Variants in SNX31 observed in about 807,000 individuals in gnomAD.
The protein encoded by SNX31 is sorting nexin 31, also known as sorting nexin-31.
Under a neutral mutation model 65.4 loss-of-function variants are expected in SNX31, and 58 were observed. That is an observed-to-expected ratio of 0.89 (90% CI 0.72 to 1.10). SNX31 has a LOEUF of 1.10. Ranked by LOEUF, SNX31 falls within the 50% of genes least tolerant of loss-of-function variation. The pLI is 0.00. For missense variants in SNX31, 523 were observed against 529.7 expected (o/e 0.99, Z 0.12); for synonymous variants, 181 against 190.1 (o/e 0.95, Z 0.39).
chr8:100,590,232 G>T (rs1814443080), intron 10 of SNX31, among the ~76,000 whole-genome samples: 1 of 152,260 alleles, frequency 6.6e-6, no homozygotes, highest in East Asian at 1.9e-4. Flanking sequence ...AAAGAAATAG[G>T]GAAAGAAAAA....
chr8:100,617,915 C>T (rs939422440), intron 4 of SNX31, among the ~76,000 whole-genome samples, 185 bp from the exon 5 acceptor site: 3 of 151,980 alleles, frequency 2.0e-5, no homozygotes, highest in African/African-American at 7.3e-5. Flanking sequence ...CAGGCACCCA[C>T]CACCACGTCC....
chr8:100,657,687 A>C (rs1233496781), intron 1 of SNX31: 1 of 456,026 alleles, frequency 2.2e-6, no homozygotes, highest in Non-Finnish European at 4.4e-6. Flanking sequence ...TTGGGAATAC[A>C]GGTGAAGATC....
At chr8:100,607,409 G>A (rs1249209874) in intron 8 of SNX31, among the ~76,000 whole-genome samples, 1 of 152,186 alleles carries the variant, frequency 6.6e-6, no homozygotes. Flanking sequence ...CATCACACGA[G>A]GCAGGAGAAG....
rs746145487 is a variant in SNX31 at position 100,573,973 on chromosome 8, C to T, written c.1228-13G>A. 2.9e-6 allele frequency: 4 copies of T among 1,401,274 alleles called. No individual in the cohort carries two copies. The highest frequency in any genetic ancestry group is 2.2e-5 in the Admixed American group (1 of 46,472). The allele number at this position is 1,401,274 out of a possible 1,614,324, so 86.8% of individuals were successfully genotyped here. On this transcript the variant is annotated splice_polypyrimidine_tract_variant and intron_variant, in intron 13 of 13. Coordinates refer to ENST00000311812, the MANE Select transcript of SNX31 (RefSeq NM_152628.4). The stretch of plus-strand genomic sequence containing the variant: ...AATAGTCTTTCTGCTGTGAAGTAAA[C>T]AGAGAGGTCAGAAATGTAAATGAAA...
Position 100,660,653 on chromosome 8 carries a change from C to T in SNX31, c.-58+2489G>A, listed in dbSNP as rs1212536049. Among the ~76,000 whole-genome samples, 1 of 152,170 alleles carries T rather than the reference C, an allele frequency of 6.6e-6. No individual in the cohort carries two copies. Among genetic ancestry groups the T allele is most frequent in the Non-Finnish European group, 1.5e-5 (1 of 68,034 alleles). ...CAGAAAGTTCCTATATTCAGCCTTC[C>T]CCACTAACACTGGCCTGGCCTCTCC... On this transcript the variant is annotated intron_variant, in intron 1 of 5. Coordinates refer to the SNX31 transcript ENST00000520352. This position sits in a 1 kb window ranked among gnomAD's most constrained non-coding sequence, Gnocchi z 4.1.
chr8:100,654,167 C>T (rs1389060475), upstream of SNX31, among the ~76,000 whole-genome samples: 8 of 152,062 alleles, frequency 5.3e-5, no homozygotes, highest in South Asian at 4.2e-4. Flanking sequence ...CCATCACACC[C>T]GGCTAATTTT....
At chr8:100,608,619 T>C (rs1460124507) in intron 7 of SNX31, 56 bp from the exon 8 acceptor site, 2 of 1,565,770 alleles carry the variant, frequency 1.3e-6, no homozygotes, top group South Asian at 1.1e-5. Context: ...TGGGCACACC[T>C]GGCAAGTGCT....
chr8:100,607,357 G>A (rs1306102849), intron 8 of SNX31, among the ~76,000 whole-genome samples: 1 of 152,192 alleles, frequency 6.6e-6, no homozygotes, highest in Non-Finnish European at 1.5e-5. Flanking sequence ...GTGTATGTTG[G>A]CGGCAGCACC....
In SNX31 at chr8:100,594,156, T is replaced by G. The variant is rs183912797; in HGVS notation, c.978+2483A>C. ...CATCTCTACTAAAAATACAAAAAAT[T>G]AGCCCTGCCTGGTGGTGCATGCCTG... is the stretch of plus-strand genomic sequence containing the variant. On this transcript the variant is annotated intron_variant, in intron 10 of 13. Transcript: ENST00000311812. This position sits in a 1 kb window ranked among gnomAD's most constrained non-coding sequence, Gnocchi z 4.0. 1.4e-3 allele frequency among the ~76,000 whole-genome samples: 215 copies of G among 152,058 alleles called. 1 individual carries two copies. Among genetic ancestry groups the G allele is most frequent in the African/African-American group, 4.9e-3 (205 of 41,460 alleles).
chr8:100,615,968 G>A (rs576088155), intron 5 of SNX31, among the ~76,000 whole-genome samples: 1 of 152,168 alleles, frequency 6.6e-6, no homozygotes, highest in South Asian at 2.1e-4. Flanking sequence ...TAGAGATGTG[G>A]TCTCACTGTG....
chr8:100,612,076 A>AT lies in SNX31; in HGVS notation c.534dup (p.Leu179IlefsTer3), dbSNP rs757025479. 7 of 1,613,798 alleles carry AT rather than the reference A, an allele frequency of 4.3e-6. No individual in the cohort carries two copies. In the South Asian group the frequency reaches 5.5e-5, roughly 13 times the overall value. ...ACATAAGGGAGTTCAAAGTCAGCCA[A>AT]TTTTTTCACAACTAGAGAAAGGAGA... On this transcript the variant is annotated frameshift_variant, in exon 7 of 14. Coordinates refer to ENST00000311812, the MANE Select transcript of SNX31 (RefSeq NM_152628.4). LOFTEE classifies it high-confidence loss of function. This position sits in a 1 kb window ranked among gnomAD's most constrained non-coding sequence, Gnocchi z 4.3.
In SNX31 at chr8:100,573,937, T is replaced by C. The variant is rs980142442; in HGVS notation, c.1251A>G (p.Leu417=). The C allele has an allele frequency of 1.3e-6, 2 of 1,582,112 alleles. No homozygotes were observed. Among genetic ancestry groups the C allele is most frequent in the Non-Finnish European group, 8.6e-7 (1 of 1,162,808 alleles). Residue 417 remains leucine (L), a synonymous_variant, in exon 14 of 14, where the codon CTA becomes CTG. Coordinates refer to ENST00000311812, the MANE Select transcript of SNX31 (RefSeq NM_152628.4). ...CTATCTTAATCTTGCTTTTTCTTGA[T>C]AGAAAACTAGAATAGTCTTTCTGCT... ...QSQQKDYSSF[L]SRKSKIKIAK... is the part of the protein sequence containing the mutation.
chr8:100,615,881 T>C (rs1785278764), intron 5 of SNX31, among the ~76,000 whole-genome samples: 1 of 152,158 alleles, frequency 6.6e-6, no homozygotes, highest in Non-Finnish European at 1.5e-5. Context: ...GCCATTCTCC[T>C]GCCTCAGCCT....
At position 100,629,060 on chromosome 8, in the gene SNX31, T is replaced by C. The variant is rs1335075566; in HGVS notation, c.321+1267A>G. Among the ~76,000 whole-genome samples, 1 of 152,174 alleles carries C rather than the reference T, an allele frequency of 6.6e-6. No homozygotes were observed. Among genetic ancestry groups the C allele is most frequent in the Non-Finnish European group, 1.5e-5 (1 of 68,030 alleles). ...CAGTAGGCTCTACCATCTAGGTTTG[T>C]GGTGTTCACACAATGACAAAATCGC... On this transcript the variant is annotated intron_variant, in intron 4 of 13. Coordinates refer to ENST00000311812, the MANE Select transcript of SNX31 (RefSeq NM_152628.4). This position sits in a 1 kb window ranked among gnomAD's most constrained non-coding sequence, Gnocchi z 5.1.
chr8:100,640,647 G>A (rs1392508346), intron 2 of SNX31, among the ~76,000 whole-genome samples: 2 of 152,318 alleles, frequency 1.3e-5, no homozygotes, highest in Middle Eastern at 3.4e-3. Context: ...CTCTTGATAC[G>A]ATGTGATTAG....
At chr8:100,586,984 C>A (rs562099972) in intron 11 of SNX31, among the ~76,000 whole-genome samples, 4 of 152,242 alleles carry the variant, frequency 2.6e-5, no homozygotes, top group African/African-American at 9.6e-5. Flanking sequence ...ATTTCCACTC[C>A]AATTTTAGTT....
chr8:100,589,651 G>A (rs1227093635), intron 10 of SNX31, among the ~76,000 whole-genome samples: 1 of 152,172 alleles, frequency 6.6e-6, no homozygotes, highest in African/African-American at 2.4e-5. Context: ...ATGTCCTGAG[G>A]CATGTTGGAG....
At chr8:100,654,295 G>C (rs1313966779), upstream of SNX31, among the ~76,000 whole-genome samples, 2 of 152,172 alleles carry the variant, frequency 1.3e-5, no homozygotes, top group Admixed American at 6.5e-5. Context: ...ACAGGCGTGA[G>C]CCACTGCCCT....
At chr8:100,580,878 A>G (rs1345240447) in intron 12 of SNX31, among the ~76,000 whole-genome samples, 3 of 152,226 alleles carry the variant, frequency 2.0e-5, no homozygotes, top group African/African-American at 7.2e-5. Flanking sequence ...AAATAAAGCA[A>G]TCCTTTATAA....
Sources: gnomAD v4.1 joint callset for allele counts (sites outside exome capture counted in the v4.1 genomes callset) on GRCh38, gnomAD v4.1.1 for gene constraint, Gnocchi (gnomAD v3.1) non-coding constraint, MANE v1.5 for transcripts, NCBI Gene and HGNC (gene_info 2026-07-23, HGNC 2026-07-21) for gene names.